PRKG1: variants seen among roughly 807,000 people sequenced by gnomAD.
PRKG1 encodes the protein cGMP-dependent protein kinase 1.
PRKG1 carries 35 observed loss-of-function variants against 88.1 expected under a neutral mutation model. The observed-to-expected ratio is 0.40, with a 90% confidence interval of 0.30 to 0.53. The LOEUF is 0.53. Ranked by LOEUF, PRKG1 falls within the 20% of genes least tolerant of loss-of-function variation. The pLI, the probability that PRKG1 is intolerant of heterozygous loss-of-function variation, is 0.59. For missense variants in PRKG1, 540 were observed against 839.8 expected (o/e 0.64, Z 4.41); for synonymous variants, 303 against 292.5 (o/e 1.04, Z -0.37).
chr10:52,021,408 C>A (rs528672108), intron 5 of PRKG1, among the ~76,000 whole-genome samples: 3 of 152,210 alleles, frequency 2.0e-5, no homozygotes, highest in South Asian at 4.1e-4. Context: ...ATGCTGGATT[C>A]TCAGAAAATA....
chr10:51,084,550 T>C (rs968796167), intron 1 of PRKG1, among the ~76,000 whole-genome samples: 1 of 152,218 alleles, frequency 6.6e-6, no homozygotes, highest in African/African-American at 2.4e-5. Context: ...ATAGATGTAA[T>C]TTAATTCACT....
chr10:51,558,420 T>A (rs893013364), intron 3 of PRKG1, among the ~76,000 whole-genome samples: 3 of 152,052 alleles, frequency 2.0e-5, no homozygotes, highest in African/African-American at 4.8e-5. Flanking sequence ...TTAAAAAAAA[T>A]TAATTTATTT....
intron 7 of PRKG1, among the ~76,000 whole-genome samples, chr10:52,129,928 G>A (rs1365321911): frequency 6.6e-6 from 1 of 152,114 alleles, no homozygotes; most frequent in African/African-American, 2.4e-5. Flanking sequence ...GCCTACTGTT[G>A]TGGAAAGAAC....
intron 2 of PRKG1, among the ~76,000 whole-genome samples, chr10:51,155,379 A>G (rs1846180795): frequency 6.6e-6 from 1 of 152,060 alleles, no homozygotes; most frequent in Non-Finnish European, 1.5e-5. Flanking sequence ...TTGTTTACAT[A>G]TAAAATTTAT....
intron 7 of PRKG1, among the ~76,000 whole-genome samples, chr10:52,116,222 A>G (rs1847683431): frequency 1.3e-5 from 2 of 152,178 alleles, no homozygotes; most frequent in South Asian, 2.1e-4. Context: ...GTTACAGTTC[A>G]TTATAGCTTT....
intron 2 of PRKG1, among the ~76,000 whole-genome samples, chr10:51,463,893 G>A (rs759547345): frequency 2.0e-5 from 3 of 152,178 alleles, no homozygotes; most frequent in Non-Finnish European, 4.4e-5. Context: ...GTGTGAGAAA[G>A]GATACCAAAT....
intron 2 of PRKG1, among the ~76,000 whole-genome samples, chr10:51,316,588 A>G (rs1254980027): frequency 6.6e-6 from 1 of 152,126 alleles, no homozygotes; most frequent in Non-Finnish European, 1.5e-5. Context: ...AGGCTGAGGC[A>G]GGAGAGTTGC....
At chr10:52,017,273 A>T (rs1356557224) in intron 5 of PRKG1, among the ~76,000 whole-genome samples, 1 of 152,172 alleles carries the variant, frequency 6.6e-6, no homozygotes, top group African/African-American at 2.4e-5. Context: ...TCATTGCATT[A>T]TGGAGATTTT....
intron 3 of PRKG1, among the ~76,000 whole-genome samples, chr10:51,600,090 C>G (rs1358157717): frequency 6.6e-6 from 1 of 152,138 alleles, no homozygotes; most frequent in Non-Finnish European, 1.5e-5. Flanking sequence ...CAGATTTGAG[C>G]TGTTTTTCTC....
chr10:51,670,675 G>A (rs1840538481), intron 3 of PRKG1, among the ~76,000 whole-genome samples: 1 of 148,352 alleles, frequency 6.7e-6, no homozygotes, highest in African/African-American at 2.5e-5. Context: ...GGCAGAGCTT[G>A]CAGTGAGCCG....
chr10:51,644,350 T>C (rs374669606), intron 3 of PRKG1, among the ~76,000 whole-genome samples: 1 of 152,192 alleles, frequency 6.6e-6, no homozygotes, highest in Non-Finnish European at 1.5e-5. Flanking sequence ...TTTCTCACTT[T>C]CTTTTTTGTG....
At chr10:51,538,682 A>G (rs1249445898) in intron 3 of PRKG1, among the ~76,000 whole-genome samples, 2 of 151,282 alleles carry the variant, frequency 1.3e-5, no homozygotes, top group Admixed American at 6.6e-5. Flanking sequence ...AAAAAAAAAA[A>G]CAAATCCCTT....
chr10:51,892,458 G>A (rs1937670), intron 4 of PRKG1, among the ~76,000 whole-genome samples: 2 of 152,012 alleles, frequency 1.3e-5, no homozygotes, highest in African/African-American at 2.4e-5. Context: ...AGGCAGCAAG[G>A]TTTCAGAAGC....
intron 2 of PRKG1, among the ~76,000 whole-genome samples, chr10:51,219,750 G>T (rs1371588770): frequency 1.3e-5 from 2 of 151,780 alleles, no homozygotes; most frequent in African/African-American, 4.8e-5. Flanking sequence ...AAGGCAAGAA[G>T]GAGCATCTGT....
chr10:51,770,683 T>A (rs1160882362), intron 3 of PRKG1, among the ~76,000 whole-genome samples: 4 of 152,072 alleles, frequency 2.6e-5, no homozygotes, highest in African/African-American at 9.7e-5. Context: ...GGGATCTAGG[T>A]TGTGCACTCT....
intron 1 of PRKG1, among the ~76,000 whole-genome samples, chr10:51,065,378 T>C (rs1467269394): frequency 1.3e-5 from 2 of 152,034 alleles, no homozygotes; most frequent in Non-Finnish European, 2.9e-5. Context: ...AAAAAAGTAG[T>C]TGGATATCAA....
At chr10:51,238,733 C>A (rs1208930554) in intron 2 of PRKG1, among the ~76,000 whole-genome samples, 3 of 151,212 alleles carry the variant, frequency 2.0e-5, no homozygotes, top group Non-Finnish European at 4.4e-5. Context: ...TGCACTCCAG[C>A]CTGGGAGACA....
chr10:51,915,200 C>T (rs761746103), intron 5 of PRKG1, among the ~76,000 whole-genome samples: 2 of 152,146 alleles, frequency 1.3e-5, no homozygotes, highest in South Asian at 2.1e-4. Flanking sequence ...CTGCCTTAGG[C>T]GGAGTTATTG....
intron 3 of PRKG1, among the ~76,000 whole-genome samples, chr10:51,672,367 C>T (rs956666750): frequency 6.6e-6 from 1 of 151,928 alleles, no homozygotes; most frequent in African/African-American, 2.4e-5. Flanking sequence ...CTCTTTCTTC[C>T]TGTCTAATCT....
Sources: gnomAD v4.1 joint callset for allele counts (sites outside exome capture counted in the v4.1 genomes callset) on GRCh38, gnomAD v4.1.1 for gene constraint, MANE v1.5 for transcripts, NCBI Gene and HGNC (gene_info 2026-07-23, HGNC 2026-07-21) for gene names.